The following GRID2 variants were observed in gnomAD, a reference collection of about 807,000 sequenced individuals.
GRID2 encodes the protein glutamate ionotropic receptor delta type subunit 2, also known as glutamate receptor ionotropic, delta-2.
GRID2 carries 33 observed loss-of-function variants against 114.8 expected under a neutral mutation model. That is an observed-to-expected ratio of 0.29 (90% confidence interval 0.22 to 0.38). The LOEUF (loss-of-function observed/expected upper bound fraction) is 0.38. Among genes scored for constraint, GRID2 ranks in the 10% least tolerant of loss-of-function variants. The pLI, the probability that GRID2 is intolerant of heterozygous loss-of-function variation, is 1.00. For missense variants in GRID2, 1,184 were observed against 1,257.7 expected, an observed-to-expected ratio of 0.94 and a Z score of 0.89; for synonymous variants, 505 against 449.9, an observed-to-expected ratio of 1.12 and a Z score of -1.55.
At chr4:93,089,048 T>A (rs1463114283) in intron 3 of GRID2, among the ~76,000 whole-genome samples, 1 of 152,094 alleles carries the variant, frequency 6.6e-6, no homozygotes, top group Non-Finnish European at 1.5e-5. Flanking sequence ...TTGTAGTAGT[T>A]ATTATTTTAT....
At chr4:93,381,059 T>G (rs1763806264) in intron 8 of GRID2, among the ~76,000 whole-genome samples, 1 of 152,108 alleles carries the variant, frequency 6.6e-6, no homozygotes, top group African/African-American at 2.4e-5. Flanking sequence ...AAAAAAAATT[T>G]TATTGTGGTA....
intron 13 of GRID2, among the ~76,000 whole-genome samples, chr4:93,536,816 A>C (rs2149521624): frequency 6.6e-6 from 1 of 151,814 alleles, no homozygotes; most frequent in African/African-American, 2.4e-5. Flanking sequence ...AAATGATTTA[A>C]ATTTTCCAAC....
chr4:93,554,535 A>C (rs1345913555), intron 13 of GRID2, among the ~76,000 whole-genome samples: 1 of 152,174 alleles, frequency 6.6e-6, no homozygotes, highest in Admixed American at 6.5e-5. Flanking sequence ...TAATGATGAA[A>C]TCAGGGCAAT....
intron 2 of GRID2, among the ~76,000 whole-genome samples, chr4:92,753,579 G>T (rs1161007267): frequency 6.6e-6 from 1 of 152,158 alleles, no homozygotes; most frequent in Non-Finnish European, 1.5e-5. Context: ...ATGGCTGCAA[G>T]TATTAGAAAA....
chr4:92,882,998 C>A (rs571529360), intron 2 of GRID2, among the ~76,000 whole-genome samples: 1 of 152,202 alleles, frequency 6.6e-6, no homozygotes, highest in East Asian at 1.9e-4. Context: ...GTGAAGTTTG[C>A]CACATTGATT....
chr4:92,722,316 C>T (rs1054474133), intron 2 of GRID2, among the ~76,000 whole-genome samples: 3 of 152,058 alleles, frequency 2.0e-5, no homozygotes, highest in East Asian at 1.9e-4. Context: ...CATACTGGAA[C>T]GTGAGGCAGC....
intron 2 of GRID2, among the ~76,000 whole-genome samples, chr4:93,019,787 G>A (rs1723104955): frequency 6.6e-6 from 1 of 151,922 alleles, no homozygotes; most frequent in South Asian, 2.1e-4. Flanking sequence ...TCAAAACTTG[G>A]TCATCGTTTT....
chr4:93,086,783 T>A (rs909516793), intron 3 of GRID2, among the ~76,000 whole-genome samples: 1 of 152,154 alleles, frequency 6.6e-6, no homozygotes. Context: ...TGAAATTCCC[T>A]GATAGGATTA....
intron 1 of GRID2, among the ~76,000 whole-genome samples, chr4:93,792,682 G>A (rs1734717549): frequency 6.6e-6 from 1 of 152,098 alleles, no homozygotes; most frequent in Non-Finnish European, 1.5e-5. Flanking sequence ...GGAACATCAG[G>A]TCCAAATAGA....
rs544692210 is a variant in GRID2, at chr4:92,620,625, G to A, written c.244+30339G>A. 3.0e-3 allele frequency among the ~76,000 whole-genome samples: 461 copies of A among 151,770 alleles called. 2 individuals carry two copies. The highest frequency in any genetic ancestry group is 0.011 in the African/African-American group (445 of 41,492). ...ATTTATTGAATTGTTACTATAATTA[G>A]ATATAGTTATGAGTTTTATGTAAAT... On this transcript the variant is annotated intron_variant, in intron 2 of 15. Coordinates refer to ENST00000282020, the MANE Select transcript of GRID2 (RefSeq NM_001510.4).
intron 13 of GRID2, among the ~76,000 whole-genome samples, chr4:93,610,851 C>A (rs1740805746): frequency 7.5e-6 from 1 of 133,008 alleles, no homozygotes; most frequent in East Asian, 2.1e-4. Flanking sequence ...GGAGGATTCC[C>A]TCTTTTTCTA....
At chr4:93,008,032 CA>C (rs1273416294) in intron 2 of GRID2, among the ~76,000 whole-genome samples, 2,741 of 62,548 alleles carry the variant, frequency 0.044, 19 homozygotes, top group East Asian at 0.12. Context: ...GAGACTGTCA[CA>C]AAAAAAAAAA....
intron 13 of GRID2, among the ~76,000 whole-genome samples, chr4:93,621,418 C>T (rs1398598545): frequency 6.6e-6 from 1 of 152,104 alleles, no homozygotes; most frequent in African/African-American, 2.4e-5. Flanking sequence ...ACATGAAGCT[C>T]CCAGATTCAC....
intron 4 of GRID2, among the ~76,000 whole-genome samples, chr4:93,206,660 G>A (rs1364230333): frequency 2.0e-5 from 3 of 149,622 alleles, no homozygotes; most frequent in Admixed American, 6.7e-5. Context: ...TACTTCTTTG[G>A]CCTAAGCCAA....
rs189938612 is a variant in GRID2, at chr4:93,381,531, G to A, written c.1246-14076G>A. ...CTTCTTTTGTGTTTAGTTGATTATTGTAATGAAATGTTTATGTATCTATGT... is the reference window on the plus strand; with the variant it reads ...CTTCTTTTGTGTTTAGTTGATTATTATAATGAAATGTTTATGTATCTATGT... On this transcript the variant is annotated intron_variant, in intron 8 of 15. Transcript: ENST00000282020. Among the ~76,000 whole-genome samples, 6 of 151,940 alleles carry A rather than the reference G, an allele frequency of 3.9e-5. No individual in the cohort carries two copies. The East Asian group carries it at 1.2e-3, about 29-fold the overall frequency.
At chr4:93,730,778 C>G (rs925912679) in intron 14 of GRID2, among the ~76,000 whole-genome samples, 1 of 152,202 alleles carries the variant, frequency 6.6e-6, no homozygotes, top group African/African-American at 2.4e-5. Context: ...TCCCTTTCTT[C>G]CCTGTAAGGT....
intron 8 of GRID2, among the ~76,000 whole-genome samples, chr4:93,301,568 CAG>C (rs891719249): frequency 3.8e-4 from 58 of 152,190 alleles, no homozygotes; most frequent in Admixed American, 1.5e-3. Context: ...ATCAAAAAAA[CAG>C]AAATGGTGAT....
At chr4:92,518,989 CAG>C (rs1436342029) in intron 1 of GRID2, among the ~76,000 whole-genome samples, 1 of 151,772 alleles carries the variant, frequency 6.6e-6, no homozygotes. Context: ...TTTTCTGACA[CAG>C]AGTTTTGACC....
intron 4 of GRID2, among the ~76,000 whole-genome samples, chr4:93,122,890 GTT>G (rs886185779): frequency 2.9e-5 from 2 of 69,804 alleles, no homozygotes; most frequent in Admixed American, 2.2e-4. Context: ...ACAGATGTGG[GTT>G]TTTTTTTTTT....
Sources: gnomAD v4.1 joint callset for allele counts (sites outside exome capture counted in the v4.1 genomes callset) on GRCh38, gnomAD v4.1.1 for gene constraint, MANE v1.5 for transcripts, NCBI Gene and HGNC (gene_info 2026-07-23, HGNC 2026-07-21) for gene names.